DNAH5: variants seen among roughly 807,000 people sequenced by gnomAD.
DNAH5 encodes the protein dynein axonemal heavy chain 5, also known as axonemal beta dynein heavy chain 5.
A neutral mutation model predicts 518.2 loss-of-function variants in DNAH5; 372 were observed. The observed-to-expected ratio is 0.72, with a 90% CI of 0.66 to 0.78. The LOEUF is 0.78. Among genes scored for constraint, DNAH5 ranks in the 30% least tolerant of loss-of-function variants. The probability of loss-of-function intolerance (pLI) is 0.00; values close to 1 mark genes in which losing one functional copy is unlikely to be tolerated. For synonymous variants in DNAH5, 2,039 were observed against 2,025.9 expected (o/e 1.01, Z -0.17); for missense variants, 5,523 against 5,687.0 (o/e 0.97, Z 0.93).
intron 65 of DNAH5, among the ~76,000 whole-genome samples, chr5:13,744,575 G>T (rs536689754): frequency 2.3e-4 from 35 of 151,930 alleles, no homozygotes; most frequent in Admixed American, 2.0e-4. Flanking sequence ...ATTATATTAT[G>T]GAAATATCAC....
intron 1 of DNAH5, among the ~76,000 whole-genome samples, chr5:13,997,468 T>A (rs146870534): frequency 1.3e-5 from 2 of 152,354 alleles, no homozygotes; most frequent in East Asian, 3.9e-4. Flanking sequence ...ACCTTTACTA[T>A]TCATATGTCT....
At chr5:13,844,723 G>T in intron 32 of DNAH5, 114 bp downstream of exon 32, 1 of 1,349,784 alleles carries the variant, frequency 7.4e-7, no homozygotes, top group Non-Finnish European at 1.1e-6. Context: ...CTGGCCAAGA[G>T]CTAATGAACA....
chr5:13,894,609 C>G, intron 16 of DNAH5, 41 bp downstream of exon 16: 2 of 1,596,862 alleles, frequency 1.3e-6, no homozygotes, highest in Non-Finnish European at 1.7e-6. Flanking sequence ...AGGAACTCAG[C>G]CTTTAGAATT....
chr5:13,742,581 A>G (rs1178388801), intron 65 of DNAH5, among the ~76,000 whole-genome samples: 1 of 152,126 alleles, frequency 6.6e-6, no homozygotes, highest in Admixed American at 6.6e-5. Context: ...TAAAATAAAC[A>G]TAGTAACGAT....
intron 21 of DNAH5, among the ~76,000 whole-genome samples, chr5:13,881,756 A>G: frequency 6.6e-6 from 1 of 152,208 alleles, no homozygotes; most frequent in East Asian, 1.9e-4. Context: ...TACATAACCT[A>G]AAATTACAAC....
In DNAH5 at chr5:13,700,829, C is replaced by A; in HGVS notation, c.13534G>T (p.Val4512Leu). Residue 4512 changes from valine to leucine, a missense_variant, in exon 78 of 79, where the codon GTG (valine) becomes TTG (leucine). Coordinates refer to ENST00000265104, the MANE Select transcript of DNAH5 (RefSeq NM_001369.3). Reference protein sequence around the residue: ...ANKGWALDNMVLCNEVTKWMK... With the variant: ...ANKGWALDNMLLCNEVTKWMK... ...CATTTGGTGACTTCATTGCAAAGCA[C>A]CATATTGTCCAGAGCCCAGCCTTTG... 1 of 1,614,120 alleles carries A rather than the reference C, an allele frequency of 6.2e-7. No individual in the cohort carries two copies. Among genetic ancestry groups the A allele is most frequent in the Non-Finnish European group, 8.5e-7 (1 of 1,180,010 alleles).
rs79005420 is a variant in DNAH5 at position 13,793,806 on chromosome 5, A to G, written c.8011-78T>C. 3.2e-4 allele frequency: 510 copies of G among 1,572,596 alleles called. 3 individuals carry two copies. In the African/African-American group the frequency reaches 6.5e-3, roughly 20 times the overall value. On this transcript the variant is annotated intron_variant, in intron 48 of 78. Coordinates refer to ENST00000265104, the MANE Select transcript of DNAH5 (RefSeq NM_001369.3). ...CCTAACTCCTTGAGTGTTTCCAAAGAAAGAACTTTACTGGAATTCAGAAAT... is the reference window on the plus strand; with the variant it reads ...CCTAACTCCTTGAGTGTTTCCAAAGGAAGAACTTTACTGGAATTCAGAAAT...
In DNAH5 at chr5:13,845,003, G is replaced by C. The variant is rs1206293606; in HGVS notation, c.5115-10C>G. ...TTTTTTCTCCAAGTACCTACAAGGA[G>C]AGGAAAAACATAAACCTTTATAACC... On this transcript the variant is annotated splice_polypyrimidine_tract_variant and intron_variant, in intron 31 of 78. Transcript: ENST00000265104. 1 of 1,612,896 alleles carries C rather than the reference G, an allele frequency of 6.2e-7. No individual in the cohort carries two copies. Among genetic ancestry groups the C allele is most frequent in the Non-Finnish European group, 8.5e-7 (1 of 1,179,070 alleles).
At chr5:13,969,509 G>A (rs1262105447) in intron 1 of DNAH5, among the ~76,000 whole-genome samples, 1 of 151,782 alleles carries the variant, frequency 6.6e-6, no homozygotes, top group Non-Finnish European at 1.5e-5. Context: ...GTTTTGTCAC[G>A]ATTATCTTTC....
chr5:13,740,514 T>C (rs1375728192), intron 65 of DNAH5, among the ~76,000 whole-genome samples: 1 of 152,298 alleles, frequency 6.6e-6, no homozygotes, highest in South Asian at 2.1e-4. Context: ...TGCTATTTCC[T>C]ACATCAGTGG....
chr5:13,770,857 C>T lies in DNAH5; in HGVS notation c.9497G>A (p.Arg3166Lys). Residue 3166 changes from arginine (R) to lysine (K), a missense_variant, in exon 56 of 79, where the codon AGA becomes AAA. Arg to Lys is a conservative substitution (Grantham distance 26). This residue lies in a region of DNAH5 where 5,121 missense variants were observed against 5,223.3 expected (regional missense o/e 0.98). Transcript: ENST00000265104. ...CGTCACGTGGGTAGAACGTCGGAAT[C>T]TCTGAAAATAATCAACACACTTCTC... ...VAEKCVDYFQ[R>K]FRRSTHVTPK... 6.2e-7 allele frequency: 1 copy of T among 1,614,040 alleles called. No individual in the cohort carries two copies. Among genetic ancestry groups the T allele is most frequent in the Non-Finnish European group, 8.5e-7 (1 of 1,179,970 alleles).
At chr5:13,738,819 A>G (rs1259150267) in intron 65 of DNAH5, among the ~76,000 whole-genome samples, 2 of 152,188 alleles carry the variant, frequency 1.3e-5, no homozygotes, top group Non-Finnish European at 2.9e-5. Flanking sequence ...TGTGATGCTA[A>G]AGAAAAGAAT....
At chr5:13,954,585 G>C (rs1581033962) in intron 1 of DNAH5, among the ~76,000 whole-genome samples, 1 of 152,322 alleles carries the variant, frequency 6.6e-6, no homozygotes, top group East Asian at 1.9e-4. Flanking sequence ...AGGAAAACAT[G>C]TTCCTGAGAG....
At chr5:13,798,860 G>A (rs549495522) in intron 47 of DNAH5, among the ~76,000 whole-genome samples, 51 of 151,394 alleles carry the variant, frequency 3.4e-4, no homozygotes, top group South Asian at 1.9e-3. Context: ...TTTGCCTCCC[G>A]GGTTCAAGCG....
chr5:13,877,410 T>G (rs970733201), intron 21 of DNAH5, among the ~76,000 whole-genome samples: 1 of 152,168 alleles, frequency 6.6e-6, no homozygotes, highest in African/African-American at 2.4e-5. Context: ...GCAATGATAT[T>G]AGTTGGGGGC....
intron 35 of DNAH5, among the ~76,000 whole-genome samples, chr5:13,835,020 G>A (rs1359467620): frequency 1.3e-5 from 2 of 152,086 alleles, no homozygotes; most frequent in African/African-American, 4.8e-5. Flanking sequence ...GAGTAGTAAT[G>A]ATTCCTATAA....
At chr5:13,782,144 G>A (rs1321344374) in intron 52 of DNAH5, among the ~76,000 whole-genome samples, 1 of 152,108 alleles carries the variant, frequency 6.6e-6, no homozygotes, top group Admixed American at 6.5e-5. Flanking sequence ...GGGTATCACT[G>A]CGATGTCCAT....
chr5:13,968,770 G>A lies in DNAH5; in HGVS notation c.13-37526C>T, dbSNP rs539599682. ...TGTTAATTAGGGATATTGGCCTGTA[G>A]TTTTCTTTCTTTGTTATGTCGTGTC... On this transcript the variant is annotated intron_variant, in intron 1 of 78. Transcript: ENST00000681290. 2.0e-3 allele frequency among the ~76,000 whole-genome samples: 307 copies of A among 152,260 alleles called. 3 individuals carry two copies. Among genetic ancestry groups the A allele is most frequent in the African/African-American group, 7.3e-3 (302 of 41,562 alleles).
intron 30 of DNAH5, among the ~76,000 whole-genome samples, chr5:13,854,168 G>A (rs1767275489): frequency 6.6e-6 from 1 of 152,186 alleles, no homozygotes; most frequent in African/African-American, 2.4e-5. Context: ...GACTAACAGT[G>A]GATCTCTCTG....
Sources: allele counts gnomAD v4.1 joint callset (sites outside exome capture counted in the v4.1 genomes callset), GRCh38; gene constraint gnomAD v4.1.1; regional missense constraint gnomAD v4.1.1; transcripts MANE v1.5; gene names NCBI Gene and HGNC (gene_info 2026-07-23, HGNC 2026-07-21).